TGFBR3: variants seen among roughly 807,000 people sequenced by gnomAD.
The protein encoded by TGFBR3 is transforming growth factor beta receptor 3, also known as transforming growth factor beta receptor type 3.
A neutral mutation model predicts 87.9 loss-of-function variants in TGFBR3; 46 were observed. The ratio of observed to expected loss-of-function variants is 0.52; its 90% CI spans 0.41 to 0.67. The LOEUF (loss-of-function observed/expected upper bound fraction) is 0.67. Among genes scored for constraint, TGFBR3 ranks in the 30% least tolerant of loss-of-function variants. TGFBR3 has a pLI of 0.00. For missense variants in TGFBR3, 866 were observed against 1,041.9 expected (o/e 0.83, Z 2.32); for synonymous variants, 381 against 391.6 (o/e 0.97, Z 0.32).
chr1:91,706,839 A>G (rs1455323514), intron 14 of TGFBR3, among the ~76,000 whole-genome samples: 8 of 152,166 alleles, frequency 5.3e-5, no homozygotes, highest in Non-Finnish European at 1.0e-4. Context: ...CTGCTGCCCA[A>G]TTGTGATTAC....
At chr1:91,794,766 C>G (rs1557714245) in intron 3 of TGFBR3, among the ~76,000 whole-genome samples, 1 of 152,042 alleles carries the variant, frequency 6.6e-6, no homozygotes, top group Admixed American at 6.6e-5. Flanking sequence ...ATGGATATAC[C>G]ATATTTTATT....
At chr1:91,714,698 A>G (rs1409806590) in intron 12 of TGFBR3, among the ~76,000 whole-genome samples, 1 of 152,250 alleles carries the variant, frequency 6.6e-6, no homozygotes, top group Non-Finnish European at 1.5e-5. Flanking sequence ...TTGGAAAAGA[A>G]CAATCTGCAA....
intron 7 of TGFBR3, among the ~76,000 whole-genome samples, chr1:91,725,381 T>C (rs2100797179): frequency 6.6e-6 from 1 of 152,342 alleles, no homozygotes; most frequent in Middle Eastern, 3.4e-3. Context: ...ATAGACACTC[T>C]GAAAGAGTTA....
At chr1:91,896,920 C>CTT (rs11390038) in intron 2 of TGFBR3, among the ~76,000 whole-genome samples, 362 of 142,758 alleles carry the variant, frequency 2.5e-3, no homozygotes, top group Middle Eastern at 0.011. Context: ...TTTTTCTTTT[C>CTT]TTTTTTTTTT....
chr1:91,842,538 C>T (rs1008213643), intron 2 of TGFBR3, among the ~76,000 whole-genome samples: 8 of 152,168 alleles, frequency 5.3e-5, no homozygotes, highest in Admixed American at 2.6e-4. Flanking sequence ...TCTTTTCCAT[C>T]CAGGTGCTCA....
chr1:91,858,896 A>T (rs1391738410), intron 2 of TGFBR3, among the ~76,000 whole-genome samples: 2 of 151,838 alleles, frequency 1.3e-5, no homozygotes, highest in African/African-American at 4.8e-5. Context: ...TCTCTACCAA[A>T]AATACAAAAA....
At chr1:91,702,912 G>A (rs180947451) in intron 14 of TGFBR3, among the ~76,000 whole-genome samples, 18 of 152,128 alleles carry the variant, frequency 1.2e-4, no homozygotes, top group Non-Finnish European at 2.5e-4. Context: ...GGGCGTGGTG[G>A]CAGGCACCTA....
At chr1:91,808,333 A>G (rs1675913089) in intron 2 of TGFBR3, among the ~76,000 whole-genome samples, 1 of 152,224 alleles carries the variant, frequency 6.6e-6, no homozygotes, top group African/African-American at 2.4e-5. Context: ...CTCTGAGCAC[A>G]TTCTGGAAGT....
intron 4 of TGFBR3, among the ~76,000 whole-genome samples, chr1:91,744,475 C>T (rs553072362): frequency 5.9e-5 from 9 of 152,302 alleles, no homozygotes; most frequent in Non-Finnish European, 1.2e-4. Flanking sequence ...GACAGTGCTT[C>T]TCTAGAGCCT....
At chr1:91,886,771 T>TCCCCCAACG (rs1405413706), upstream of TGFBR3, among the ~76,000 whole-genome samples, 7 of 152,108 alleles carry the variant, frequency 4.6e-5, no homozygotes, top group Non-Finnish European at 1.0e-4. Context: ...CTCCAGCAGC[T>TCCCCCAACG]GAGACTGCAT....
intron 4 of TGFBR3, among the ~76,000 whole-genome samples, chr1:91,747,713 T>C (rs1262923182): frequency 1.3e-5 from 2 of 152,190 alleles, no homozygotes; most frequent in Non-Finnish European, 2.9e-5. Context: ...TTAAACTCCA[T>C]AATCAGGTGG....
At chr1:91,765,281 T>C (rs1048918891) in intron 3 of TGFBR3, among the ~76,000 whole-genome samples, 1 of 148,484 alleles carries the variant, frequency 6.7e-6, no homozygotes, top group South Asian at 2.2e-4. Flanking sequence ...GGACATCTAG[T>C]AGGCAGTCCA....
chr1:91,755,794 A>C (rs1302581630), intron 4 of TGFBR3, among the ~76,000 whole-genome samples: 5 of 152,216 alleles, frequency 3.3e-5, no homozygotes, highest in Non-Finnish European at 7.3e-5. Context: ...GGCAGCGATA[A>C]GTACAACTAT....
chr1:91,782,713 T>C (rs1421169123), intron 3 of TGFBR3, among the ~76,000 whole-genome samples: 3 of 150,510 alleles, frequency 2.0e-5, no homozygotes, highest in Non-Finnish European at 3.0e-5. Context: ...CCCAGGGGCA[T>C]GGCGAGGGCT....
intron 16 of TGFBR3, among the ~76,000 whole-genome samples, chr1:91,686,107 A>C (rs17879420): frequency 0.029 from 4,433 of 152,300 alleles, 212 homozygotes; most frequent in African/African-American, 0.1. Flanking sequence ...TTCATCAAGC[A>C]ATAGGGAGCA....
intron 10 of TGFBR3, 35 bp downstream of exon 10, chr1:91,719,277 G>A (rs371467324): frequency 6.3e-5 from 101 of 1,613,914 alleles, no homozygotes; most frequent in Admixed American, 1.0e-4. Flanking sequence ...CCAGGCTCTG[G>A]CAAAGGGCAA....
intron 2 of TGFBR3, among the ~76,000 whole-genome samples, chr1:91,853,833 GA>G (rs1241166936): frequency 6.6e-6 from 1 of 152,164 alleles, no homozygotes; most frequent in African/African-American, 2.4e-5. Flanking sequence ...CCAATATGGT[GA>G]AACCCCATCT....
At chr1:91,893,784 A>G (rs1679493829) in intron 2 of TGFBR3, among the ~76,000 whole-genome samples, 2 of 152,062 alleles carry the variant, frequency 1.3e-5, no homozygotes, top group Admixed American at 1.3e-4. Context: ...AAAGTAGGAA[A>G]TGTTTTCCCA....
At chr1:91,745,881 A>G (rs1193744258) in intron 4 of TGFBR3, among the ~76,000 whole-genome samples, 2 of 152,236 alleles carry the variant, frequency 1.3e-5, no homozygotes, top group African/African-American at 2.4e-5. Flanking sequence ...GTATCTGCCA[A>G]TCATGCATTC....
Sources: gnomAD v4.1 joint callset for allele counts (sites outside exome capture counted in the v4.1 genomes callset) on GRCh38, gnomAD v4.1.1 for gene constraint, MANE v1.5 for transcripts, NCBI Gene and HGNC (gene_info 2026-07-23, HGNC 2026-07-21) for gene names.